LRP1B: variants seen among roughly 807,000 people sequenced by gnomAD.
LRP1B encodes the protein LDL receptor related protein 1B.
Under a neutral mutation model 556.6 loss-of-function variants are expected in LRP1B, and 217 were observed. The observed-to-expected ratio is 0.39, with a 90% confidence interval of 0.35 to 0.44. LRP1B has a LOEUF of 0.44. Among genes scored for constraint, LRP1B ranks in the 20% least tolerant of loss-of-function variants. LRP1B has a pLI of 1.00. For synonymous variants in LRP1B, 2,047 were observed against 1,865.8 expected (o/e 1.10, Z -2.50); for missense variants, 5,053 against 5,620.8 (o/e 0.90, Z 3.23).
rs149177933 is a variant in LRP1B, at chr2:142,038,736, T to C, written c.82+91912A>G. On this transcript the variant is annotated intron_variant, in intron 1 of 90. Coordinates refer to ENST00000389484, the MANE Select transcript of LRP1B (RefSeq NM_018557.3). ...TATTATCCTTTGTAACTTTTTCTATTAGGCAAAACCACCAAGTGATATTCT... is the reference window on the plus strand; with the variant it reads ...TATTATCCTTTGTAACTTTTTCTATCAGGCAAAACCACCAAGTGATATTCT... 1.1e-3 allele frequency among the ~76,000 whole-genome samples: 169 copies of C among 151,712 alleles called. 1 individual carries two copies. The highest frequency in any genetic ancestry group is 3.8e-3 in the African/African-American group (159 of 41,480).
At chr2:141,318,491 A>G (rs1480965649) in intron 3 of LRP1B, among the ~76,000 whole-genome samples, 1 of 152,186 alleles carries the variant, frequency 6.6e-6, no homozygotes, top group Non-Finnish European at 1.5e-5. Flanking sequence ...AAAAGAAGTA[A>G]TAATTCTTCA....
chr2:142,001,911 C>A (rs965145834), intron 1 of LRP1B, among the ~76,000 whole-genome samples: 2 of 151,972 alleles, frequency 1.3e-5, no homozygotes, highest in African/African-American at 4.8e-5. Flanking sequence ...TCTAATTTAC[C>A]CATGCAGCTT....
intron 9 of LRP1B, 121 bp downstream of exon 9, chr2:141,058,762 A>T: frequency 3.0e-6 from 2 of 668,332 alleles, no homozygotes; most frequent in Non-Finnish European, 4.4e-6. Context: ...AGACATGCCT[A>T]CTTTTGCTGT....
At chr2:140,679,833 G>A (rs1685799261) in intron 41 of LRP1B, among the ~76,000 whole-genome samples, 1 of 151,936 alleles carries the variant, frequency 6.6e-6, no homozygotes, top group Admixed American at 6.6e-5. Context: ...ACAGCCTGTG[G>A]GCCACATGCA....
chr2:141,880,646 G>A (rs1558936972), intron 1 of LRP1B, among the ~76,000 whole-genome samples: 1 of 151,856 alleles, frequency 6.6e-6, no homozygotes, highest in East Asian at 1.9e-4. Flanking sequence ...TAAATAAATA[G>A]CTACTCTCAT....
chr2:140,769,983 C>T (rs763087654), intron 34 of LRP1B, among the ~76,000 whole-genome samples: 5 of 151,904 alleles, frequency 3.3e-5, no homozygotes, highest in African/African-American at 4.8e-5. Flanking sequence ...ACCAGAAGTA[C>T]ACACTCTAAT....
At chr2:142,079,285 G>C (rs1448659918) in intron 1 of LRP1B, among the ~76,000 whole-genome samples, 1 of 151,998 alleles carries the variant, frequency 6.6e-6, no homozygotes, top group Non-Finnish European at 1.5e-5. Flanking sequence ...TTTGTGTGTT[G>C]AGTTATTTTG....
intron 2 of LRP1B, among the ~76,000 whole-genome samples, chr2:141,536,872 CTG>C (rs1685086066): frequency 6.6e-6 from 1 of 151,932 alleles, no homozygotes; most frequent in Admixed American, 6.6e-5. Flanking sequence ...ATTAAAATAT[CTG>C]TGCCAGAGAC....
chr2:141,915,864 C>T (rs947516878), intron 1 of LRP1B, among the ~76,000 whole-genome samples: 3 of 152,064 alleles, frequency 2.0e-5, no homozygotes, highest in Non-Finnish European at 4.4e-5. Context: ...AAATACAAAT[C>T]CAAACGTCAA....
At chr2:140,711,146 A>G (rs12473112) in intron 37 of LRP1B, among the ~76,000 whole-genome samples, 1 of 152,040 alleles carries the variant, frequency 6.6e-6, no homozygotes, top group Non-Finnish European at 1.5e-5. Flanking sequence ...TCACTTAAAC[A>G]TTTACAGCAT....
At chr2:141,792,169 G>T (rs1457604591) in intron 2 of LRP1B, among the ~76,000 whole-genome samples, 1 of 151,566 alleles carries the variant, frequency 6.6e-6, no homozygotes, top group East Asian at 1.9e-4. Flanking sequence ...CAACATAAAT[G>T]CAACATAGGG....
rs1361118907 is a variant in LRP1B, at chr2:140,913,875, A to T, written c.3320-5798T>A. On this transcript the variant is annotated intron_variant, in intron 21 of 90. Coordinates refer to ENST00000389484, the MANE Select transcript of LRP1B (RefSeq NM_018557.3). ...TGGGAGGTAATTTTGAACATAACGC[A>T]GTTTTACATGCTGAATATTCAACCT... 1.3e-5 allele frequency among the ~76,000 whole-genome samples: 2 copies of T among 152,106 alleles called. 1 individual carries two copies. Among genetic ancestry groups the T allele is most frequent in the Middle Eastern group, 6.3e-3 (2 of 316 alleles).
At position 140,521,746 on chromosome 2, in the gene LRP1B, C is replaced by T. The variant is rs375202605; in HGVS notation, c.8026+4098G>A. Among the ~76,000 whole-genome samples the T allele has an allele frequency of 2.6e-5, 4 of 151,914 alleles. No homozygotes were observed. In the East Asian group the frequency reaches 7.7e-4, roughly 29 times the overall value. ...TACAGTTGTAAACTGGATAAAAAAG[C>T]AAAACCTATCCTTCTGCCATCTTCA... On this transcript the variant is annotated intron_variant, in intron 49 of 90. Coordinates refer to ENST00000389484, the MANE Select transcript of LRP1B (RefSeq NM_018557.3).
At chr2:141,521,802 T>G (rs1684537615) in intron 2 of LRP1B, among the ~76,000 whole-genome samples, 1 of 152,104 alleles carries the variant, frequency 6.6e-6, no homozygotes, top group African/African-American at 2.4e-5. Context: ...AAGTCTGGAT[T>G]CTATTAAGGA....
chr2:141,472,441 G>T (rs187279640), intron 3 of LRP1B, among the ~76,000 whole-genome samples: 1 of 152,252 alleles, frequency 6.6e-6, no homozygotes, highest in Admixed American at 6.5e-5. Flanking sequence ...TTGGGAGGCT[G>T]AGGCAGGAGA....
intron 2 of LRP1B, chr2:141,805,739 A>G (rs1379669360): frequency 6.6e-6 from 1 of 152,132 alleles, no homozygotes; most frequent in Non-Finnish European, 1.5e-5. Flanking sequence ...TCCCTTTTAA[A>G]GGTTTTCAAA....
At chr2:141,841,371 C>A (rs1697465869) in intron 1 of LRP1B, among the ~76,000 whole-genome samples, 1 of 152,132 alleles carries the variant, frequency 6.6e-6, no homozygotes, top group Non-Finnish European at 1.5e-5. Flanking sequence ...TCACCAGATT[C>A]TCGTTTGTTA....
chr2:140,951,147 T>C (rs1695703102), intron 19 of LRP1B, among the ~76,000 whole-genome samples: 1 of 152,174 alleles, frequency 6.6e-6, no homozygotes, highest in African/African-American at 2.4e-5. Context: ...TCATGTCCCA[T>C]AGTTTATAAT....
chr2:141,263,304 T>C lies in LRP1B; in HGVS notation c.344-8663A>G, dbSNP rs77559224. Among the ~76,000 whole-genome samples the C allele has an allele frequency of 1.0e-2, 1,519 of 152,074 alleles. 76 individuals carry two copies. Among genetic ancestry groups the C allele is most frequent in the Admixed American group, 0.067 (1,025 of 15,274 alleles). Reference sequence around the variant, plus strand: ...ATATCAAATTAGAAATCTAATGAATTATAAACATCAGCAAGGCAGCAGAAG... The same window carrying C: ...ATATCAAATTAGAAATCTAATGAATCATAAACATCAGCAAGGCAGCAGAAG... On this transcript the variant is annotated intron_variant, in intron 3 of 90. Transcript: ENST00000389484.
Sources: gnomAD v4.1 joint callset for allele counts (sites outside exome capture counted in the v4.1 genomes callset) on GRCh38, gnomAD v4.1.1 for gene constraint, MANE v1.5 for transcripts, NCBI Gene and HGNC (gene_info 2026-07-23, HGNC 2026-07-21) for gene names.